The following CNTNAP2 variants were observed in gnomAD, a reference collection of about 807,000 sequenced individuals.
CNTNAP2 encodes contactin associated protein 2.
In CNTNAP2, 98 loss-of-function variants were observed where a neutral mutation model predicts 155.2. The observed-to-expected ratio is 0.63, with a 90% confidence interval of 0.54 to 0.75. The LOEUF (loss-of-function observed/expected upper bound fraction) is 0.75, where lower values mean the gene tolerates loss of function less well. Among genes scored for constraint, CNTNAP2 ranks in the 30% least tolerant of loss-of-function variants. CNTNAP2 has a pLI of 0.00. For missense variants in CNTNAP2, 1,727 were observed against 1,688.1 expected (o/e 1.02, Z -0.40); for synonymous variants, 651 against 631.2 (o/e 1.03, Z -0.47).
intron 13 of CNTNAP2, among the ~76,000 whole-genome samples, chr7:147,715,958 G>C (rs192962787): frequency 6.6e-6 from 1 of 152,254 alleles, no homozygotes; most frequent in East Asian, 1.9e-4. Context: ...ATTTATTGAA[G>C]ACTTTTCTTC....
intron 10 of CNTNAP2, among the ~76,000 whole-genome samples, chr7:147,413,031 A>T (rs1347059250): frequency 1.3e-5 from 2 of 152,328 alleles, no homozygotes; most frequent in East Asian, 3.9e-4. Flanking sequence ...ACTCGTGTCA[A>T]CTCATTCATT....
At chr7:146,225,318 A>G (rs376621901) in intron 1 of CNTNAP2, among the ~76,000 whole-genome samples, 93 of 152,364 alleles carry the variant, frequency 6.1e-4, no homozygotes, top group African/African-American at 2.2e-3. Flanking sequence ...GTACATAGAG[A>G]AAAATGCTTG....
chr7:147,385,157 A>G (rs1279586972), intron 9 of CNTNAP2, among the ~76,000 whole-genome samples: 1 of 152,154 alleles, frequency 6.6e-6, no homozygotes, highest in East Asian at 1.9e-4. Flanking sequence ...CCCATGCCCA[A>G]GATTCAATTA....
chr7:147,106,600 AT>A (rs1407189062), intron 4 of CNTNAP2, among the ~76,000 whole-genome samples: 1 of 152,146 alleles, frequency 6.6e-6, no homozygotes, highest in Non-Finnish European at 1.5e-5. Context: ...ATGTTTTATA[AT>A]ATAACATTGT....
At chr7:146,581,001 C>T (rs1486272052) in intron 1 of CNTNAP2, among the ~76,000 whole-genome samples, 1 of 152,062 alleles carries the variant, frequency 6.6e-6, no homozygotes, top group African/African-American at 2.4e-5. Flanking sequence ...AACCACTTGT[C>T]AAATATTACA....
intron 8 of CNTNAP2, among the ~76,000 whole-genome samples, chr7:147,243,012 TTTTTG>T (rs1803976736): frequency 7.5e-6 from 1 of 134,196 alleles, no homozygotes; most frequent in African/African-American, 3.1e-5. Context: ...TTTTTTTTTT[TTTTTG>T]AGAGGGAGTC....
chr7:147,508,939 G>A (rs1225115016), intron 11 of CNTNAP2, among the ~76,000 whole-genome samples: 9 of 152,064 alleles, frequency 5.9e-5, no homozygotes, highest in African/African-American at 1.4e-4. Flanking sequence ...GAAAATGGAC[G>A]AATACAAAAC....
chr7:147,267,526 G>T (rs559628087), intron 8 of CNTNAP2, among the ~76,000 whole-genome samples: 13 of 149,722 alleles, frequency 8.7e-5, no homozygotes, highest in Admixed American at 8.1e-4. Context: ...TCACTATTAA[G>T]CTTTTCCTAT....
In CNTNAP2 at chr7:147,690,842, A is replaced by T. The variant is rs192289666; in HGVS notation, c.2098+51536A>T. On this transcript the variant is annotated intron_variant, in intron 13 of 23. Coordinates refer to ENST00000361727, the MANE Select transcript of CNTNAP2 (RefSeq NM_014141.6). ...ATTGTGTATTTTGATTCTCCACTGTACAGATGAAAAAATTATATTGTATTT... is the reference window on the plus strand; with the variant it reads ...ATTGTGTATTTTGATTCTCCACTGTTCAGATGAAAAAATTATATTGTATTT... 2.9e-3 allele frequency among the ~76,000 whole-genome samples: 442 copies of T among 152,122 alleles called. 1 individual carries two copies. Among genetic ancestry groups the T allele is most frequent in the African/African-American group, 0.01 (420 of 41,440 alleles).
intron 21 of CNTNAP2, among the ~76,000 whole-genome samples, chr7:148,362,908 C>T (rs571932711): frequency 4.6e-5 from 7 of 152,264 alleles, no homozygotes; most frequent in Middle Eastern, 3.4e-3. Flanking sequence ...CAGTAGAAAC[C>T]GTCCTTTGAG....
intron 15 of CNTNAP2, among the ~76,000 whole-genome samples, chr7:148,089,711 C>A (rs1367837504): frequency 6.6e-6 from 1 of 151,470 alleles, no homozygotes; most frequent in East Asian, 1.9e-4. Context: ...TCAGTACTAC[C>A]CAAAGTGATC....
chr7:146,561,629 G>A (rs1028006395), intron 1 of CNTNAP2, among the ~76,000 whole-genome samples: 2 of 152,148 alleles, frequency 1.3e-5, no homozygotes, highest in African/African-American at 4.8e-5. Context: ...ACTGCACTCA[G>A]ACTGGGTGAC....
rs1434917311 is a variant in CNTNAP2 at position 148,209,281 on chromosome 7, A to AT, written c.3011-8000dup. Reference sequence around the variant, plus strand: ...ACAGGCTTGTGCCACCACACCGGCTATTTTTTTCTTTTCTTCCTTTTTTTT... The same window carrying AT: ...ACAGGCTTGTGCCACCACACCGGCTATTTTTTTTCTTTTCTTCCTTTTTTTT... On this transcript the variant is annotated intron_variant, in intron 18 of 23. Coordinates refer to ENST00000361727, the MANE Select transcript of CNTNAP2 (RefSeq NM_014141.6). Among the ~76,000 whole-genome samples the AT allele has an allele frequency of 3.1e-3, 415 of 135,262 alleles. 1 individual carries two copies. Among genetic ancestry groups the AT allele is most frequent in the Middle Eastern group, 0.016 (4 of 248 alleles). The allele number at this position is 135,262 out of a possible 152,430, so 88.7% of individuals were successfully genotyped here.
At chr7:146,214,169 T>G (rs1319478949) in intron 1 of CNTNAP2, among the ~76,000 whole-genome samples, 3 of 152,230 alleles carry the variant, frequency 2.0e-5, no homozygotes, top group African/African-American at 7.2e-5. Flanking sequence ...TCTCATATTC[T>G]TTAAAACTCA....
chr7:147,825,929 G>A (rs1286874266), intron 13 of CNTNAP2, among the ~76,000 whole-genome samples: 2 of 152,132 alleles, frequency 1.3e-5, no homozygotes, highest in African/African-American at 4.8e-5. Context: ...GTTTTTGCAC[G>A]AAACCTTAAG....
At chr7:146,915,962 A>T (rs1281008229) in intron 3 of CNTNAP2, 2 of 152,090 alleles carry the variant, frequency 1.3e-5, no homozygotes, top group East Asian at 3.9e-4. Context: ...GGTTTGTTAT[A>T]TATGGCTTTT....
intron 13 of CNTNAP2, among the ~76,000 whole-genome samples, chr7:147,740,154 A>G (rs1796931522): frequency 6.6e-6 from 1 of 152,214 alleles, no homozygotes; most frequent in African/African-American, 2.4e-5. Flanking sequence ...TAATTAGGTT[A>G]GCTCCTATGT....
At chr7:147,678,054 TA>T (rs1342880194) in intron 13 of CNTNAP2, among the ~76,000 whole-genome samples, 3 of 151,888 alleles carry the variant, frequency 2.0e-5, no homozygotes, top group Non-Finnish European at 4.4e-5. Context: ...TATATAATTA[TA>T]TGTCTTTTCA....
intron 1 of CNTNAP2, among the ~76,000 whole-genome samples, chr7:146,279,369 G>T (rs529587563): frequency 1.3e-5 from 2 of 151,706 alleles, no homozygotes; most frequent in East Asian, 3.9e-4. Flanking sequence ...CTGGTTAGAA[G>T]AAATTATTCA....
Sources: allele counts gnomAD v4.1 joint callset (sites outside exome capture counted in the v4.1 genomes callset), GRCh38; gene constraint gnomAD v4.1.1; transcripts MANE v1.5; gene names NCBI Gene and HGNC (gene_info 2026-07-23, HGNC 2026-07-21).